Variants in ESRRG observed in about 807,000 individuals in gnomAD.
The protein encoded by ESRRG is estrogen-related receptor gamma.
Under a neutral mutation model 44.0 loss-of-function variants are expected in ESRRG, and 13 were observed. The observed-to-expected ratio is 0.30, with a 90% CI of 0.19 to 0.47. The LOEUF (loss-of-function observed/expected upper bound fraction) is 0.47, where lower values mean the gene tolerates loss of function less well. ESRRG is among the 20% of genes least tolerant of loss of function. The pLI, the probability that ESRRG is intolerant of heterozygous loss-of-function variation, is 1.00. For missense variants in ESRRG, 395 were observed against 580.6 expected (o/e 0.68, Z 3.29); for synonymous variants, 215 against 214.6 (o/e 1.00, Z -0.02).
chr1:216,585,041 G>T (rs1470307313), intron 3 of ESRRG, among the ~76,000 whole-genome samples: 2 of 152,144 alleles, frequency 1.3e-5, no homozygotes, highest in African/African-American at 2.4e-5. Flanking sequence ...AATAAAGTGA[G>T]AGTTCATTCA....
At chr1:216,963,743 G>A (rs906427657) in intron 1 of ESRRG, among the ~76,000 whole-genome samples, 1 of 152,150 alleles carries the variant, frequency 6.6e-6, no homozygotes, top group Non-Finnish European at 1.5e-5. Context: ...GGACACCAGA[G>A]GCCAACTTTG....
At chr1:216,658,577 T>C (rs2071256980) in intron 2 of ESRRG, among the ~76,000 whole-genome samples, 1 of 151,630 alleles carries the variant, frequency 6.6e-6, no homozygotes, top group African/African-American at 2.4e-5. Context: ...TCCCAGCACT[T>C]TGGAAGGCCG....
At chr1:217,087,763 G>T (rs1211593256) in intron 1 of ESRRG, among the ~76,000 whole-genome samples, 2 of 152,170 alleles carry the variant, frequency 1.3e-5, no homozygotes, top group Non-Finnish European at 2.9e-5. Flanking sequence ...AGAGTTATGA[G>T]AATTGCTTTA....
intron 2 of ESRRG, among the ~76,000 whole-genome samples, chr1:216,736,990 C>A (rs946780153): frequency 8.5e-5 from 13 of 152,284 alleles, no homozygotes; most frequent in African/African-American, 2.6e-4. Flanking sequence ...CCACCCCCAG[C>A]CCCTACGTTT....
intron 3 of ESRRG, among the ~76,000 whole-genome samples, chr1:216,604,729 C>T (rs573544021): frequency 6.6e-6 from 1 of 152,142 alleles, no homozygotes; most frequent in Non-Finnish European, 1.5e-5. Context: ...GTTGCTAATA[C>T]CTAGCATTCA....
intron 1 of ESRRG, among the ~76,000 whole-genome samples, chr1:216,709,406 C>A (rs989847216): frequency 1.3e-5 from 2 of 149,908 alleles, no homozygotes. Context: ...TTATTTCAGA[C>A]CTTTTCCTGG....
At chr1:216,703,106 T>A (rs901197371) in intron 1 of ESRRG, among the ~76,000 whole-genome samples, 3 of 152,198 alleles carry the variant, frequency 2.0e-5, no homozygotes, top group African/African-American at 7.2e-5. Flanking sequence ...ACTTTGTTTA[T>A]CTAAGGAGTC....
intron 5 of ESRRG, among the ~76,000 whole-genome samples, chr1:216,553,684 G>A (rs1482389977): frequency 6.6e-6 from 1 of 151,932 alleles, no homozygotes; most frequent in Admixed American, 6.6e-5. Context: ...CAATGCACTA[G>A]TACATTTAAA....
At chr1:216,742,430 C>T (rs2090868230) in intron 2 of ESRRG, among the ~76,000 whole-genome samples, 1 of 152,054 alleles carries the variant, frequency 6.6e-6, no homozygotes, top group Non-Finnish European at 1.5e-5. Flanking sequence ...TCATGTTTCT[C>T]CAATAGAATG....
chr1:216,790,404 T>C lies in ESRRG; in HGVS notation c.-13-112913A>G, dbSNP rs141491531. On this transcript the variant is annotated intron_variant, in intron 2 of 7. Transcript: ENST00000359162. ...TTTTTTAACCTAATGGAATAAGGCA[T>C]AAGTCACTTTATAAAATGCTTTCAT... Among the ~76,000 whole-genome samples, 863 of 152,258 alleles carry C rather than the reference T, an allele frequency of 5.7e-3. 9 individuals carry two copies. The highest frequency in any genetic ancestry group is 0.02 in the African/African-American group (824 of 41,566).
intron 1 of ESRRG, among the ~76,000 whole-genome samples, chr1:216,708,916 G>A (rs1293114657): frequency 6.6e-6 from 1 of 152,136 alleles, no homozygotes; most frequent in Non-Finnish European, 1.5e-5. Context: ...TCCTTTGCAG[G>A]AACGTGGATG....
intron 1 of ESRRG, among the ~76,000 whole-genome samples, chr1:216,713,126 T>C (rs1330673292): frequency 6.6e-6 from 1 of 152,100 alleles, no homozygotes; most frequent in East Asian, 1.9e-4. Context: ...CCAAAATCAA[T>C]CAATTTGCTC....
At chr1:217,061,302 A>G (rs778897860) in intron 1 of ESRRG, among the ~76,000 whole-genome samples, 2 of 152,170 alleles carry the variant, frequency 1.3e-5, no homozygotes, top group Non-Finnish European at 2.9e-5. Context: ...GGAGTTTGAA[A>G]TCGCAAATAG....
intron 1 of ESRRG, chr1:216,985,782 G>A (rs2074767912): frequency 6.6e-6 from 1 of 152,194 alleles, no homozygotes; most frequent in East Asian, 1.9e-4. Flanking sequence ...AGAAGACTGA[G>A]GTTGGATATG....
intron 5 of ESRRG, among the ~76,000 whole-genome samples, chr1:216,548,936 T>G (rs1449274526): frequency 6.6e-6 from 1 of 152,150 alleles, no homozygotes; most frequent in Non-Finnish European, 1.5e-5. Flanking sequence ...TAAGTAAGAT[T>G]CCAAAGAATT....
chr1:216,844,837 A>C (rs2095715394), intron 2 of ESRRG, among the ~76,000 whole-genome samples: 1 of 152,112 alleles, frequency 6.6e-6, no homozygotes, highest in Non-Finnish European at 1.5e-5. Flanking sequence ...CACACACTCA[A>C]AAACAATGAC....
intron 1 of ESRRG, among the ~76,000 whole-genome samples, chr1:216,967,890 T>A (rs919060765): frequency 6.6e-6 from 1 of 152,182 alleles, no homozygotes; most frequent in Non-Finnish European, 1.5e-5. Context: ...TAGTTTCACA[T>A]CCTCATCAGC....
chr1:216,519,303 T>G lies in ESRRG; in HGVS notation c.981A>C (p.Ala327=), dbSNP rs747362413. Residue 327 remains alanine, a synonymous_variant, in exon 6 of 7, where the codon GCA becomes GCC. Transcript: ENST00000408911. ...SLSFEDELVY[A]DDYIMDEDQS... is the part of the protein sequence containing the mutation. ...GGTCTTCGTCCATTATATAATCGTC[T>G]GCATAGACAAGTTCATCCTCAAACG... is the stretch of plus-strand genomic sequence containing the variant. 1 of 1,613,908 alleles carries G rather than the reference T, an allele frequency of 6.2e-7. No individual in the cohort carries two copies. The highest frequency in any genetic ancestry group is 8.5e-7 in the Non-Finnish European group (1 of 1,179,874).
At chr1:217,135,521 C>A (rs983246579) in intron 1 of ESRRG, among the ~76,000 whole-genome samples, 1 of 151,534 alleles carries the variant, frequency 6.6e-6, no homozygotes, top group African/African-American at 2.4e-5. Context: ...GAGCAAGGGG[C>A]GCGCGCGCGG....
Sources: gnomAD v4.1 joint callset for allele counts (sites outside exome capture counted in the v4.1 genomes callset) on GRCh38, gnomAD v4.1.1 for gene constraint, MANE v1.5 for transcripts, NCBI Gene and HGNC (gene_info 2026-07-23, HGNC 2026-07-21) for gene names.